Variants in CNTNAP2 observed in about 807,000 individuals in gnomAD.
The protein encoded by CNTNAP2 is contactin-associated protein-like 2.
A neutral mutation model predicts 155.2 loss-of-function variants in CNTNAP2; 98 were observed. The observed-to-expected ratio is 0.63, with a 90% CI of 0.54 to 0.75. The LOEUF is 0.75. Among genes scored for constraint, CNTNAP2 ranks in the 30% least tolerant of loss-of-function variants. The pLI, the probability that CNTNAP2 is intolerant of heterozygous loss-of-function variation, is 0.00. For synonymous variants in CNTNAP2, 651 were observed against 631.2 expected (o/e 1.03, Z -0.47); for missense variants, 1,727 against 1,688.1 (o/e 1.02, Z -0.40).
intron 8 of CNTNAP2, among the ~76,000 whole-genome samples, chr7:147,293,618 A>G (rs1346145788): frequency 6.6e-6 from 1 of 152,164 alleles, no homozygotes; most frequent in African/African-American, 2.4e-5. Flanking sequence ...AGCATTTTCT[A>G]ACAGATGTTA....
intron 11 of CNTNAP2, 123 bp downstream of exon 11, chr7:147,486,164 A>G: frequency 1.4e-6 from 1 of 726,294 alleles, no homozygotes; most frequent in Non-Finnish European, 2.3e-6. Context: ...CTGAAAAACC[A>G]AGATTCCAAT....
chr7:146,534,503 G>A (rs1797817055), intron 1 of CNTNAP2, among the ~76,000 whole-genome samples: 1 of 152,054 alleles, frequency 6.6e-6, no homozygotes, highest in Non-Finnish European at 1.5e-5. Context: ...GAGTGTTGTA[G>A]AAATATGTCT....
At chr7:148,177,532 A>G (rs1794961091) in intron 18 of CNTNAP2, among the ~76,000 whole-genome samples, 1 of 152,190 alleles carries the variant, frequency 6.6e-6, no homozygotes, top group African/African-American at 2.4e-5. Flanking sequence ...AAAACCTACC[A>G]TCTTCTTAAT....
intron 3 of CNTNAP2, among the ~76,000 whole-genome samples, chr7:147,027,015 A>C (rs1307700613): frequency 7.6e-6 from 1 of 132,386 alleles, no homozygotes; most frequent in Non-Finnish European, 1.5e-5. Context: ...AAAAAAAAAA[A>C]AACAAAAAAA....
chr7:146,605,279 C>T (rs959237405), intron 1 of CNTNAP2, among the ~76,000 whole-genome samples: 3 of 151,076 alleles, frequency 2.0e-5, no homozygotes, highest in Admixed American at 2.0e-4. Flanking sequence ...GTACTTGTTC[C>T]ATATCTCATA....
intron 1 of CNTNAP2, among the ~76,000 whole-genome samples, chr7:146,271,293 A>G (rs867828192): frequency 6.6e-6 from 1 of 152,064 alleles, no homozygotes; most frequent in Non-Finnish European, 1.5e-5. Context: ...ACATCTCAGC[A>G]GTGGCAAATG....
intron 8 of CNTNAP2, among the ~76,000 whole-genome samples, chr7:147,185,607 A>C (rs189106140): frequency 1.1e-4 from 16 of 152,334 alleles, no homozygotes; most frequent in Non-Finnish European, 1.6e-4. Flanking sequence ...GAATCTTAGA[A>C]ATCTAATGTT....
At chr7:146,521,064 G>A (rs1455337150) in intron 1 of CNTNAP2, among the ~76,000 whole-genome samples, 2 of 151,832 alleles carry the variant, frequency 1.3e-5, no homozygotes, top group African/African-American at 4.8e-5. Flanking sequence ...TGTGGAGATG[G>A]GGGTGGGGTC....
chr7:146,402,033 T>C lies in CNTNAP2; in HGVS notation c.97+285060T>C, dbSNP rs1584908214. 2.0e-5 allele frequency among the ~76,000 whole-genome samples: 3 copies of C among 152,324 alleles called. No homozygotes were observed. In the South Asian group the frequency reaches 6.2e-4, roughly 32 times the overall value. On this transcript the variant is annotated intron_variant, in intron 1 of 23. Transcript: ENST00000361727. ...TTCAACTAAGGGCATGAAATAAATA[T>C]AACTTTTATAAGTATTATATGTAGA...
chr7:147,818,150 G>C (rs964418594), intron 13 of CNTNAP2, among the ~76,000 whole-genome samples: 19 of 151,928 alleles, frequency 1.3e-4, no homozygotes, highest in African/African-American at 4.1e-4. Context: ...TGGTTGCTCT[G>C]TGATGGTACG....
chr7:148,146,043 G>C (rs1253247261), intron 16 of CNTNAP2, among the ~76,000 whole-genome samples: 1 of 152,152 alleles, frequency 6.6e-6, no homozygotes, highest in African/African-American at 2.4e-5. Context: ...ACAGAGGCAG[G>C]GAACAGTCTA....
intron 21 of CNTNAP2, among the ~76,000 whole-genome samples, chr7:148,308,967 A>G (rs1797541986): frequency 6.6e-6 from 1 of 152,118 alleles, no homozygotes; most frequent in Admixed American, 6.5e-5. Context: ...TTCTTTATCC[A>G]TTCTATCATT....
intron 13 of CNTNAP2, among the ~76,000 whole-genome samples, chr7:147,786,351 G>A (rs991120147): frequency 6.7e-6 from 1 of 149,342 alleles, no homozygotes; most frequent in Non-Finnish European, 1.5e-5. Flanking sequence ...CAGACCCAAA[G>A]ACTCTCAACA....
intron 1 of CNTNAP2, among the ~76,000 whole-genome samples, chr7:146,755,004 A>G (rs1040555816): frequency 6.6e-6 from 1 of 151,884 alleles, no homozygotes; most frequent in African/African-American, 2.4e-5. Flanking sequence ...TCCATTGTAT[A>G]TGGATTATTA....
intron 1 of CNTNAP2, among the ~76,000 whole-genome samples, chr7:146,661,272 A>T (rs1800082348): frequency 6.6e-6 from 1 of 152,026 alleles, no homozygotes; most frequent in South Asian, 2.1e-4. Context: ...ATCTATACTT[A>T]AGGGCTTTTA....
intron 8 of CNTNAP2, among the ~76,000 whole-genome samples, chr7:147,246,058 C>T (rs931818176): frequency 8.7e-5 from 13 of 148,672 alleles, no homozygotes; most frequent in Non-Finnish European, 1.5e-4. Flanking sequence ...TATATATACA[C>T]ATATATATGG....
intron 2 of CNTNAP2, among the ~76,000 whole-genome samples, chr7:146,804,708 C>T (rs1025147931): frequency 4.6e-5 from 7 of 152,174 alleles, no homozygotes; most frequent in Non-Finnish European, 8.8e-5. Flanking sequence ...AACACCACTT[C>T]TCACTACACT....
intron 9 of CNTNAP2, among the ~76,000 whole-genome samples, chr7:147,316,817 A>T (rs1294328406): frequency 6.6e-6 from 1 of 152,330 alleles, no homozygotes; most frequent in South Asian, 2.1e-4. Flanking sequence ...AAGTCTATAA[A>T]ATGGAGTATT....
chr7:147,840,367 C>G (rs1166436112), intron 13 of CNTNAP2, among the ~76,000 whole-genome samples: 2 of 152,244 alleles, frequency 1.3e-5, no homozygotes, highest in South Asian at 2.1e-4. Context: ...TGCAAAATAT[C>G]TCCCCTGGAA....
Sources: gnomAD v4.1 joint callset for allele counts (sites outside exome capture counted in the v4.1 genomes callset) on GRCh38, gnomAD v4.1.1 for gene constraint, MANE v1.5 for transcripts, NCBI Gene and HGNC (gene_info 2026-07-23, HGNC 2026-07-21) for gene names.